DICER1: variants seen among roughly 807,000 people sequenced by gnomAD.
DICER1 encodes the protein endoribonuclease Dicer.
In DICER1, 43 loss-of-function variants were observed where a neutral mutation model predicts 194.1. The observed-to-expected ratio is 0.22, with a 90% CI of 0.17 to 0.29. The LOEUF (loss-of-function observed/expected upper bound fraction) is 0.29, where lower values mean the gene tolerates loss of function less well. Among genes scored for constraint, DICER1 ranks in the 10% least tolerant of loss-of-function variants. DICER1 has a pLI of 1.00. For missense variants in DICER1, 1,608 were observed against 2,317.0 expected (o/e 0.69, Z 6.28); for synonymous variants, 832 against 820.5 (o/e 1.01, Z -0.24).
chr14:95,111,786 A>G (rs1891987772), intron 13 of DICER1, among the ~76,000 whole-genome samples: 2 of 152,148 alleles, frequency 1.3e-5, no homozygotes, highest in Non-Finnish European at 2.9e-5. Context: ...AAAAAAAAAA[A>G]AAAGAAACTG....
At chr14:95,116,419 A>C (rs551701248) in intron 10 of DICER1, 34 bp downstream of exon 10, 1 of 1,602,638 alleles carries the variant, frequency 6.2e-7, no homozygotes, top group African/African-American at 1.3e-5. Flanking sequence ...TTTTTTTCCC[A>C]ATCTGCCGGC....
chr14:95,144,292 G>T (rs572216747), intron 1 of DICER1, among the ~76,000 whole-genome samples: 1 of 152,042 alleles, frequency 6.6e-6, no homozygotes, highest in Non-Finnish European at 1.5e-5. Flanking sequence ...AGGCAACTGG[G>T]GATATAGGAA....
chr14:95,127,452 T>C (rs758273378), intron 6 of DICER1, among the ~76,000 whole-genome samples: 19 of 152,218 alleles, frequency 1.2e-4, no homozygotes, highest in South Asian at 2.1e-4. Flanking sequence ...TTTGGAATAT[T>C]TGCATATAAA....
intron 6 of DICER1, among the ~76,000 whole-genome samples, chr14:95,128,872 T>C (rs142011993): frequency 1.1e-3 from 172 of 152,344 alleles, no homozygotes; most frequent in African/African-American, 3.9e-3. Flanking sequence ...ATCGAATTCA[T>C]TGCATTTGAA....
Position 95,124,181 on chromosome 14 carries a change from A to C in DICER1, c.1376+15T>G, listed in dbSNP as rs1410891585. 1.3e-6 allele frequency: 2 copies of C among 1,593,058 alleles called. No individual in the cohort carries two copies. The highest frequency in any genetic ancestry group is 2.2e-5 in the South Asian group (2 of 90,588). On this transcript the variant is annotated intron_variant, in intron 8 of 26. Coordinates refer to ENST00000343455, the MANE Select transcript of DICER1 (RefSeq NM_177438.3). This position sits in a 1 kb window ranked among gnomAD's most constrained non-coding sequence, Gnocchi z 4.5. ...TCCCTGTTCTCATGTGAAAGGAGTC[A>C]ACTTACAGATTTACCTGTTTAAGAC...
intron 1 of DICER1, chr14:95,141,136 G>C (rs1232742824): frequency 6.6e-6 from 1 of 152,118 alleles, no homozygotes; most frequent in Non-Finnish European, 1.5e-5. Context: ...AAATAAAGAA[G>C]GTCACCAGAA....
chr14:95,109,015 C>T (rs1459831655), intron 14 of DICER1, among the ~76,000 whole-genome samples: 1 of 152,152 alleles, frequency 6.6e-6, no homozygotes, highest in Non-Finnish European at 1.5e-5. Context: ...AACATATATA[C>T]ATTTATATTT....
At position 95,124,779 on chromosome 14, in the gene DICER1, C is replaced by A; in HGVS notation, c.904-111G>T. On this transcript the variant is annotated intron_variant, in intron 7 of 26. Coordinates refer to ENST00000343455, the MANE Select transcript of DICER1 (RefSeq NM_177438.3). This position sits in a 1 kb window ranked among gnomAD's most constrained non-coding sequence, Gnocchi z 4.5. Reference sequence around the variant, plus strand: ...TTCTCAAATGGCTCCTTAAATGTAACCCAGCCTTAGGTTAAGTCCCTGAAG... The same window carrying A: ...TTCTCAAATGGCTCCTTAAATGTAAACCAGCCTTAGGTTAAGTCCCTGAAG... 1 of 935,366 alleles carries A rather than the reference C, an allele frequency of 1.1e-6. No individual in the cohort carries two copies. The highest frequency in any genetic ancestry group is 1.7e-6 in the Non-Finnish European group (1 of 603,242). The allele number at this position is 935,366 out of a possible 1,614,324, so 57.9% of individuals were successfully genotyped here.
At chr14:95,155,634 T>C (rs1258341362) in intron 1 of DICER1, among the ~76,000 whole-genome samples, 1 of 152,206 alleles carries the variant, frequency 6.6e-6, no homozygotes, top group Non-Finnish European at 1.5e-5. Flanking sequence ...GATGGAAGCA[T>C]AAAAAGTAAA....
At chr14:95,115,868 G>C in intron 10 of DICER1, 47 bp from the exon 11 acceptor site, 1 of 1,584,518 alleles carries the variant, frequency 6.3e-7, no homozygotes. Context: ...CATCCTCTCT[G>C]CTGTATGCTG....
At chr14:95,104,763 A>T (rs1041538500) in intron 20 of DICER1, among the ~76,000 whole-genome samples, 2 of 152,256 alleles carry the variant, frequency 1.3e-5, no homozygotes, top group Non-Finnish European at 2.9e-5. Flanking sequence ...AATGAAGACA[A>T]AGAACATGCT....
chr14:95,114,987 A>T (rs1892309186), intron 11 of DICER1, among the ~76,000 whole-genome samples: 1 of 152,218 alleles, frequency 6.6e-6, no homozygotes, highest in Non-Finnish European at 1.5e-5. Context: ...TGACAACAGG[A>T]GTTGAGGACA....
rs779530679 is a variant in DICER1, at chr14:95,104,017, T to C, written c.3379A>G (p.Ile1127Val). ...ENDNYCKHST[I>V]VPENAAHQGA... ...TGATGTGCAGCATTTTCAGGGACAA[T>C]TGTGCTGTGCTTACAGTAATTATCA... The change falls in exon 21 of 27, where the codon ATT becomes GTT. Residue 1127 changes from isoleucine to valine, a missense_variant. Physicochemically the swap from Ile to Val is conservative, Grantham distance 29 (BLOSUM62 3). Transcript: ENST00000343455. 8.7e-6 allele frequency: 14 copies of C among 1,614,030 alleles called. No homozygotes were observed. In the East Asian group the frequency reaches 2.7e-4, roughly 31 times the overall value.
chr14:95,126,777 T>C (rs558917673), intron 6 of DICER1, 29 bp from the exon 7 acceptor site: 1 of 1,422,130 alleles, frequency 7.0e-7, no homozygotes, highest in South Asian at 1.2e-5. Flanking sequence ...AAGGTATCAA[T>C]ACTGCAGTAG....
intron 1 of DICER1, among the ~76,000 whole-genome samples, chr14:95,146,784 C>T (rs1895165924): frequency 6.6e-6 from 1 of 152,128 alleles, no homozygotes; most frequent in African/African-American, 2.4e-5. Context: ...CAAAGGTCCC[C>T]AGCTGGTAAA....
At chr14:95,126,059 G>C (rs1043819111) in intron 7 of DICER1, among the ~76,000 whole-genome samples, 1 of 144,310 alleles carries the variant, frequency 6.9e-6, no homozygotes, top group African/African-American at 2.8e-5. Flanking sequence ...ATTACTGGAG[G>C]GCTTATCGAA....
At position 95,124,784 on chromosome 14, in the gene DICER1, C is replaced by A; in HGVS notation, c.904-116G>T. The A allele has an allele frequency of 1.1e-6, 1 of 886,284 alleles. No homozygotes were observed. The allele number at this position is 886,284 out of a possible 1,614,324, so 54.9% of individuals were successfully genotyped here. ...AAATGGCTCCTTAAATGTAACCCAG[C>A]CTTAGGTTAAGTCCCTGAAGGTGGG... is the stretch of plus-strand genomic sequence containing the variant. On this transcript the variant is annotated intron_variant, in intron 7 of 26. Transcript: ENST00000343455. The surrounding 1 kb of genome is among the most constrained non-coding windows in gnomAD (Gnocchi z 4.5).
intron 6 of DICER1, 101 bp from the exon 7 acceptor site, chr14:95,126,849 TAAA>T: frequency 3.0e-4 from 99 of 333,648 alleles, no homozygotes; most frequent in Middle Eastern, 9.5e-4. Context: ...GAATAGATAC[TAAA>T]AAAAAAAAAA....
At chr14:95,113,728 T>A (rs1425247385) in intron 11 of DICER1, among the ~76,000 whole-genome samples, 1 of 152,172 alleles carries the variant, frequency 6.6e-6, no homozygotes, top group Non-Finnish European at 1.5e-5. Flanking sequence ...AGCAACTCAC[T>A]GAGCAACAGC....
Sources: gnomAD v4.1 joint callset for allele counts (sites outside exome capture counted in the v4.1 genomes callset) on GRCh38, gnomAD v4.1.1 for gene constraint, Gnocchi (gnomAD v3.1) non-coding constraint, MANE v1.5 for transcripts, NCBI Gene and HGNC (gene_info 2026-07-23, HGNC 2026-07-21) for gene names.